The following SLC37A2 variants were observed in gnomAD, a reference collection of about 807,000 sequenced individuals.
SLC37A2 encodes the protein glucose-6-phosphate exchanger SLC37A2.
A neutral mutation model predicts 70.7 loss-of-function variants in SLC37A2; 59 were observed. That is an observed-to-expected ratio of 0.83 (90% CI 0.68 to 1.04). The LOEUF (loss-of-function observed/expected upper bound fraction) is 1.04. Ranked by LOEUF, SLC37A2 falls within the 50% of genes least tolerant of loss-of-function variation. The pLI is 0.00. For synonymous variants in SLC37A2, 257 were observed against 262.1 expected, an observed-to-expected ratio of 0.98 and a Z score of 0.19; for missense variants, 580 against 658.1, an observed-to-expected ratio of 0.88 and a Z score of 1.30.
chr11:125,076,449 A>C (rs181172451), intron 1 of SLC37A2, among the ~76,000 whole-genome samples: 5 of 152,204 alleles, frequency 3.3e-5, no homozygotes, highest in Admixed American at 1.3e-4. Context: ...CCCTGACCTC[A>C]GGGAGGTCGA....
At position 125,077,252 on chromosome 11, in the gene SLC37A2, C is replaced by A; in HGVS notation, c.164C>A (p.Ser55Ter). 1 of 1,603,166 alleles carries A rather than the reference C, an allele frequency of 6.2e-7. No homozygotes were observed. The change falls in exon 3 of 18, where the codon TCG becomes TAG. Residue 55 changes from serine to a stop codon, truncating the protein, a stop_gained. Coordinates refer to ENST00000403796, the MANE Select transcript of SLC37A2 (RefSeq NM_001145290.2). LOFTEE classifies it high-confidence loss of function. ...IVKSRLHQNC[S>*]EQIKPINDTH... is the part of the protein sequence containing the mutation. ...CAGAGCCGTCTGCACCAGAACTGCT[C>A]GGAGCAGATCAAACCCATCAATGAT...
At chr11:125,085,864 A>G in intron 16 of SLC37A2, 90 bp from the exon 17 acceptor site, 2 of 1,339,438 alleles carry the variant, frequency 1.5e-6, no homozygotes, top group Non-Finnish European at 2.1e-6. Context: ...CCCCTTCTCC[A>G]CTGCCAGTCC....
rs1949182562 is a variant in SLC37A2, at chr11:125,084,451, A to G, written c.1125+132A>G. The G allele has an allele frequency of 1.1e-5, 10 of 948,734 alleles. No homozygotes were observed. The South Asian group carries it at 1.3e-4, about 13-fold the overall frequency. 58.8% of individuals were successfully genotyped at this position (948,734 alleles called of 1,614,324 possible). ...TACGCGTGCACATGCATCATTGTGC[A>G]CACACGGGGGAGGAGAAGCGAGGGT... On this transcript the variant is annotated intron_variant, in intron 12 of 17. Coordinates refer to ENST00000403796, the MANE Select transcript of SLC37A2 (RefSeq NM_001145290.2).
intron 2 of SLC37A2, 72 bp from the exon 3 acceptor site, chr11:125,077,158 A>G: frequency 8.5e-7 from 1 of 1,178,214 alleles, no homozygotes; most frequent in South Asian, 1.5e-5. Context: ...TGTCTCCAGT[A>G]TGGTTGGGGC....
Position 125,080,011 on chromosome 11 carries a change from AAAG to A in SLC37A2, c.527+255_527+257del, listed in dbSNP as rs1402064875. 6.6e-6 allele frequency among the ~76,000 whole-genome samples: 1 copy of A among 152,194 alleles called. No homozygotes were observed. Among genetic ancestry groups the A allele is most frequent in the Non-Finnish European group, 1.5e-5 (1 of 68,030 alleles). On this transcript the variant is annotated intron_variant, in intron 6 of 17. Coordinates refer to ENST00000403796, the MANE Select transcript of SLC37A2 (RefSeq NM_001145290.2). The surrounding 1 kb of genome is among the most constrained non-coding windows in gnomAD (Gnocchi z 4.3). ...TAATTTCTATTTTCAACGAAGACAA[AAAG>A]AAGCCTATAAAACTTCCGCCCTGCC...
chr11:125,087,463 A>G (rs1012836824), intron 17 of SLC37A2: 3 of 153,188 alleles, frequency 2.0e-5, no homozygotes, highest in Admixed American at 2.0e-4. Context: ...TGGGCATAGC[A>G]CTCCATCAGA....
At chr11:125,087,774 A>G (rs6590127) in intron 17 of SLC37A2, 41,072 of 205,984 alleles carry the variant, frequency 0.2, 4,479 homozygotes, top group African/African-American at 0.24. Context: ...CTGGGACCAC[A>G]GGCATGCGCC....
Position 125,074,534 on chromosome 11 carries a change from C to T in SLC37A2, c.60-2223C>T, listed in dbSNP as rs1231520957. On this transcript the variant is annotated intron_variant, in intron 1 of 17. Transcript: ENST00000403796. ...GGGGACAGAACTCCAGGCAAAAGGG[C>T]CATGGAGCAGATAAGGAAGAACACC... 2.0e-5 allele frequency among the ~76,000 whole-genome samples: 3 copies of T among 151,690 alleles called. No homozygotes were observed. In the East Asian group the frequency reaches 5.9e-4, roughly 30 times the overall value.
chr11:125,087,485 T>A (rs1399675995), intron 17 of SLC37A2: 1 of 153,390 alleles, frequency 6.5e-6, no homozygotes, highest in Non-Finnish European at 1.5e-5. Context: ...CCAGATTCTC[T>A]GAACCACCAC....
At chr11:125,087,957 C>T in intron 17 of SLC37A2, 162 bp from the exon 18 acceptor site, 1 of 737,062 alleles carries the variant, frequency 1.4e-6, no homozygotes, top group Non-Finnish European at 2.3e-6. Context: ...ATCTAGCTTG[C>T]TATTTCCTGC....
rs1158029185 is a variant in SLC37A2, at chr11:125,079,881, G to C, written c.527+121G>C. 6.6e-6 allele frequency: 5 copies of C among 755,022 alleles called. No homozygotes were observed. In the East Asian group the frequency reaches 1.3e-4, roughly 20 times the overall value. The allele number at this position is 755,022 out of a possible 1,614,324, so 46.8% of individuals were successfully genotyped here. On this transcript the variant is annotated intron_variant, in intron 6 of 17. Coordinates refer to ENST00000403796, the MANE Select transcript of SLC37A2 (RefSeq NM_001145290.2). ...GTCAGAAAGCGGCCTCCACGTTGCT[G>C]TTCACGTGCTTAGAAGTGGCTAAAA... is the stretch of plus-strand genomic sequence containing the variant.
Position 125,082,331 on chromosome 11 carries a change from GT to G in SLC37A2, c.974del (p.Val325GlyfsTer22). The G allele has an allele frequency of 2.5e-6, 4 of 1,613,866 alleles. No individual in the cohort carries two copies. Among genetic ancestry groups the G allele is most frequent in the Non-Finnish European group, 3.4e-6 (4 of 1,179,824 alleles). ...LYWLPLYIAN[V>X]AHFSAKEAGD... is the part of the protein sequence containing the mutation. Reference sequence around the variant, plus strand: ...CTGGCTGCCCCTCTACATCGCCAATGTGGGTAAGTCCAAGAGAAGGGGAATG... The same window carrying G: ...CTGGCTGCCCCTCTACATCGCCAATGGGGTAAGTCCAAGAGAAGGGGAATG... On this transcript the variant is annotated frameshift_variant and splice_region_variant, in exon 10 of 18. Transcript: ENST00000403796. LOFTEE classifies it high-confidence loss of function.
intron 1 of SLC37A2, among the ~76,000 whole-genome samples, chr11:125,074,364 G>A (rs536982331): frequency 2.0e-5 from 3 of 152,092 alleles, no homozygotes; most frequent in Admixed American, 1.3e-4. Context: ...TGGAGATTCC[G>A]CTCACGGATT....
intron 8 of SLC37A2, 43 bp from the exon 9 acceptor site, chr11:125,081,711 G>C (rs1359408004): frequency 6.6e-7 from 1 of 1,526,458 alleles, no homozygotes; most frequent in Non-Finnish European, 8.8e-7. Context: ...GTGGGAGGCA[G>C]CACATGGACG....
chr11:125,086,156 C>T, intron 17 of SLC37A2, 138 bp downstream of exon 17: 3 of 1,567,558 alleles, frequency 1.9e-6, no homozygotes, highest in South Asian at 1.1e-5. Context: ...CCCTGGGTGG[C>T]CCTCACCCTG....
rs543919620 is a variant in SLC37A2 at position 125,076,458 on chromosome 11, G to A, written c.60-299G>A. On this transcript the variant is annotated intron_variant, in intron 1 of 17. Transcript: ENST00000403796. ...CAGGCGCCCTGACCTCAGGGAGGTC[G>A]ACAAAAAGCAGAGGTGCTGCCAGCT... 5.3e-5 allele frequency among the ~76,000 whole-genome samples: 8 copies of A among 152,252 alleles called. No homozygotes were observed. The South Asian group carries it at 6.2e-4, about 12-fold the overall frequency.
chr11:125,070,931 A>G (rs1949023617), intron 1 of SLC37A2, among the ~76,000 whole-genome samples: 1 of 152,214 alleles, frequency 6.6e-6, no homozygotes, highest in Non-Finnish European at 1.5e-5. Flanking sequence ...GCTGGTCTAG[A>G]AGGTAGCAGC....
chr11:125,079,295 G>A, intron 5 of SLC37A2, 48 bp downstream of exon 5: 1 of 1,611,568 alleles, frequency 6.2e-7, no homozygotes, highest in Non-Finnish European at 8.5e-7. Flanking sequence ...GTCTCGGGAA[G>A]GACCTGGGAG....
At chr11:125,081,385 T>C in intron 7 of SLC37A2, 36 bp from the exon 8 acceptor site, 1 of 1,583,330 alleles carries the variant, frequency 6.3e-7, no homozygotes, top group Non-Finnish European at 8.6e-7. Flanking sequence ...GGGGCGGGGG[T>C]TGGGAAACTT....
Sources: allele counts gnomAD v4.1 joint callset (sites outside exome capture counted in the v4.1 genomes callset), GRCh38; gene constraint gnomAD v4.1.1; non-coding constraint Gnocchi (gnomAD v3.1); transcripts MANE v1.5; gene names NCBI Gene and HGNC (gene_info 2026-07-23, HGNC 2026-07-21).